The following GRK1 variants were observed in gnomAD, a reference collection of about 807,000 sequenced individuals.
GRK1 encodes G protein-coupled receptor kinase 1.
GRK1 carries 28 observed loss-of-function variants against 41.7 expected under a neutral mutation model. The observed-to-expected ratio is 0.67, with a 90% CI of 0.50 to 0.92. The LOEUF is 0.92. Ranked by LOEUF, GRK1 falls within the 40% of genes least tolerant of loss-of-function variation. The probability of loss-of-function intolerance (pLI) is 0.00; values close to 1 mark genes in which losing one functional copy is unlikely to be tolerated. For missense variants in GRK1, 703 were observed against 671.2 expected (o/e 1.05, Z -0.52); for synonymous variants, 327 against 286.7 (o/e 1.14, Z -1.42).
At chr13:113,729,793 C>T (rs543117089) in intron 4 of GRK1, among the ~76,000 whole-genome samples, 50 of 151,988 alleles carry the variant, frequency 3.3e-4, no homozygotes, top group African/African-American at 1.2e-3. Flanking sequence ...CCAGACCCAC[C>T]CCTCCATCCC....
At chr13:113,650,983 C>G in the GRK1 span, among the ~76,000 whole-genome samples, 1 of 151,884 alleles carries the variant, frequency 6.6e-6, no homozygotes, top group Non-Finnish European at 1.5e-5. This position sits in a 1 kb window ranked among gnomAD's most constrained non-coding sequence, Gnocchi z 5.0. Context: ...TGCTTTGGAT[C>G]TGTTAGAATC....
Position 113,723,162 on chromosome 13 carries a change from G to C in GRK1, c.1069+5G>C, listed in dbSNP as rs751144212. 4.3e-6 allele frequency: 3 copies of C among 700,636 alleles called. No individual in the cohort carries two copies. The South Asian group carries it at 4.4e-5, about 10-fold the overall frequency. The allele number at this position is 700,636 out of a possible 1,614,324, so 43.4% of individuals were successfully genotyped here. A position where few individuals can be genotyped will look rare whatever the true frequency, so the allele number is the denominator to read the frequency against. Reference sequence around the variant, plus strand: ...AGGGCTACGCAGGGACCCCAGGTAAGGGTCTGAGCGCAGCTGGGGAGGCTC... The same window carrying C: ...AGGGCTACGCAGGGACCCCAGGTAACGGTCTGAGCGCAGCTGGGGAGGCTC... On this transcript the variant is annotated splice_donor_5th_base_variant and intron_variant, in intron 4 of 6. Coordinates refer to ENST00000335678, the MANE Select transcript of GRK1 (RefSeq NM_002929.3).
chr13:113,734,304 T>A, intron 6 of GRK1, among the ~76,000 whole-genome samples: 1 of 152,178 alleles, frequency 6.6e-6, no homozygotes, highest in South Asian at 2.1e-4. Context: ...CAAGGATGGC[T>A]GTGGTCAGGG....
In GRK1 at chr13:113,735,342, AGGGATGTG is replaced by A; in HGVS notation, c.1672_1679del (p.Gly558SerfsTer63). 6.6e-7 allele frequency: 1 copy of A among 1,515,636 alleles called. No homozygotes were observed. The highest frequency in any genetic ancestry group is 8.8e-7 in the Non-Finnish European group (1 of 1,133,496). The allele number at this position is 1,515,636 out of a possible 1,614,324, so 93.9% of individuals were successfully genotyped here. A position where few individuals can be genotyped will look rare whatever the true frequency, so the allele number is the denominator to read the frequency against. ...GGGGCTCCAGCTCCTCGTCCAAGTC[AGGGATGTG>A]TCTGGTTTCCTAGGTGACGCCCCAG... On this transcript the variant is annotated frameshift_variant, in exon 7 of 7. Transcript: ENST00000335678. LOFTEE classifies it high-confidence loss of function.
chr13:113,652,811 G>A, the GRK1 span: 1 of 1,571,008 alleles, frequency 6.4e-7, no homozygotes, highest in Middle Eastern at 1.7e-4. Flanking sequence ...CGTGGTGGGT[G>A]TGGGTGAGAG....
rs543892422 is a variant in GRK1, at chr13:113,735,357, T to G, written c.1686T>G (p.Val562=). The G allele has an allele frequency of 7.8e-5, 117 of 1,497,678 alleles. No homozygotes were observed. The highest frequency in any genetic ancestry group is 6.0e-4 in the South Asian group (47 of 78,806). 92.8% of individuals were successfully genotyped at this position (1,497,678 alleles called of 1,614,324 possible). The stretch of plus-strand genomic sequence containing the variant: ...CGTCCAAGTCAGGGATGTGTCTGGT[T>G]TCCTAGGTGACGCCCCAGAGTCCAC... The part of the protein sequence containing the change: ...SSSSKSGMCL[V]S Residue 562 remains valine, a synonymous_variant, in exon 7 of 7, where the codon GTT becomes GTG. Coordinates refer to ENST00000335678, the MANE Select transcript of GRK1 (RefSeq NM_002929.3).
chr13:113,724,349 G>C (rs936194314), intron 4 of GRK1, among the ~76,000 whole-genome samples: 2 of 152,180 alleles, frequency 1.3e-5, no homozygotes, highest in Admixed American at 1.3e-4. Context: ...TCCGCGTGTC[G>C]GGCTCACTTC....
the GRK1 span, chr13:113,652,559 C>A: frequency 3.2e-5 from 14 of 435,774 alleles, no homozygotes; most frequent in African/African-American, 2.6e-4. Context: ...GAACTTGAGG[C>A]CCCTTTACCT....
intron 6 of GRK1, among the ~76,000 whole-genome samples, chr13:113,733,823 G>GCACGTGTGTCCATGTATGTGTA (rs2049969499): frequency 7.3e-6 from 1 of 137,414 alleles, no homozygotes; most frequent in African/African-American, 3.2e-5. Flanking sequence ...ACGTGTGTGC[G>GCACGTGTGTCCATGTATGTGTA]TGTGTGTGCA....
At chr13:113,734,916 CT>C in intron 6 of GRK1, 151 bp from the exon 7 acceptor site, 1 of 721,954 alleles carries the variant, frequency 1.4e-6, no homozygotes, top group South Asian at 2.7e-5. Context: ...GAACACTGGG[CT>C]TTCTCTCTCA....
rs1290713570 is a variant in GRK1 at position 113,731,399 on chromosome 13, G to C, written c.1194+56G>C. On this transcript the variant is annotated intron_variant, in intron 5 of 6. Coordinates refer to ENST00000335678, the MANE Select transcript of GRK1 (RefSeq NM_002929.3). The surrounding 1 kb of genome is among the most constrained non-coding windows in gnomAD (Gnocchi z 5.6). ...CCACCTTGGCGCCCTGGCTCTCGAT[G>C]GGGACGGGGCAGTGATGGGATCGTT... The C allele has an allele frequency of 1.3e-6, 2 of 1,534,080 alleles. No homozygotes were observed. Among genetic ancestry groups the C allele is most frequent in the South Asian group, 2.4e-5 (2 of 83,696 alleles).
At chr13:113,732,587 C>G (rs1192992203) in intron 5 of GRK1, among the ~76,000 whole-genome samples, 1 of 152,244 alleles carries the variant, frequency 6.6e-6, no homozygotes, top group Non-Finnish European at 1.5e-5. Context: ...GCTGGGCCCG[C>G]GCTGGCCTTC....
At chr13:113,733,747 A>G (rs1398774580) in intron 6 of GRK1, among the ~76,000 whole-genome samples, 4 of 96,254 alleles carry the variant, frequency 4.2e-5, no homozygotes, top group African/African-American at 1.2e-4. Flanking sequence ...ATGTGTGCAT[A>G]CATGTGTGTG....
the GRK1 span, among the ~76,000 whole-genome samples, chr13:113,659,796 G>A: frequency 3.9e-5 from 6 of 151,994 alleles, no homozygotes; most frequent in Non-Finnish European, 8.8e-5. Flanking sequence ...TGGAATGTTA[G>A]GGCGATAAGA....
At position 113,667,222 on chromosome 13, in the gene GRK1, G is replaced by T; in HGVS notation, c.-165G>T. 1 of 674,070 alleles carries T rather than the reference G, an allele frequency of 1.5e-6. No individual in the cohort carries two copies. Among genetic ancestry groups the T allele is most frequent in the Non-Finnish European group, 2.4e-6 (1 of 412,852 alleles). 41.8% of individuals were successfully genotyped at this position (674,070 alleles called of 1,614,324 possible). A position where few individuals can be genotyped will look rare whatever the true frequency, so the allele number is the denominator to read the frequency against. On this transcript the variant is annotated 5_prime_UTR_variant, in exon 1 of 7. Transcript: ENST00000335678. The surrounding 1 kb of genome is among the most constrained non-coding windows in gnomAD (Gnocchi z 7.5). ...CCCGGGCTCCCAGGGGCTTCCCAGT[G>T]GTCCCCAGGAACCCTCGACAGGGCC...
chr13:113,659,891 A>G, the GRK1 span, among the ~76,000 whole-genome samples: 9 of 152,174 alleles, frequency 5.9e-5, no homozygotes, highest in Non-Finnish European at 1.0e-4. Context: ...GTCTGACAAC[A>G]CCTGGATGCA....
intron 6 of GRK1, among the ~76,000 whole-genome samples, chr13:113,733,881 A>ACGTGTGTG (rs1226487493): frequency 0.14 from 12,393 of 86,516 alleles, 1,488 homozygotes; most frequent in African/African-American, 0.36. Flanking sequence ...GTGTGTGCAT[A>ACGTGTGTG]CGTGTGTGCG....
intron 4 of GRK1, among the ~76,000 whole-genome samples, chr13:113,729,104 C>A (rs1594577421): frequency 6.6e-6 from 1 of 152,224 alleles, no homozygotes; most frequent in African/African-American, 2.4e-5. Flanking sequence ...AGGACTCGAG[C>A]TGAGACTGTG....
the GRK1 span, among the ~76,000 whole-genome samples, chr13:113,651,347 A>C: frequency 3.9e-5 from 6 of 152,260 alleles, no homozygotes; most frequent in Non-Finnish European, 7.3e-5. Flanking sequence ...TTTTGTAAAG[A>C]AGCACATAAA....
Sources: gnomAD v4.1 joint callset for allele counts (sites outside exome capture counted in the v4.1 genomes callset) on GRCh38, gnomAD v4.1.1 for gene constraint, Gnocchi (gnomAD v3.1) non-coding constraint, MANE v1.5 for transcripts, NCBI Gene and HGNC (gene_info 2026-07-23, HGNC 2026-07-21) for gene names.